KCNMA1: variants seen among roughly 807,000 people sequenced by gnomAD.
KCNMA1 encodes Calcium-activated potassium channel subunit alpha-1.
In KCNMA1, 29 loss-of-function variants were observed where a neutral mutation model predicts 140.0. The ratio of observed to expected loss-of-function variants is 0.21; its 90% CI spans 0.15 to 0.28. The LOEUF is 0.28. Ranked by LOEUF, KCNMA1 falls within the 10% of genes least tolerant of loss-of-function variation. The probability of loss-of-function intolerance (pLI) is 1.00; values close to 1 mark genes in which losing one functional copy is unlikely to be tolerated. For missense variants in KCNMA1, 880 were observed against 1,602.2 expected, an observed-to-expected ratio of 0.55 and a Z score of 7.70; for synonymous variants, 612 against 611.9, an observed-to-expected ratio of 1.00 and a Z score of 0.00.
At chr10:77,242,899 T>TACACACACACACACACAC (rs199668848) in intron 3 of KCNMA1, among the ~76,000 whole-genome samples, 3 of 111,578 alleles carry the variant, frequency 2.7e-5, no homozygotes, top group East Asian at 3.1e-4. Flanking sequence ...AATTGTTTCC[T>TACACACACACACACACAC]ACACACACAC....
chr10:76,956,781 T>C (rs1331378795), intron 20 of KCNMA1, among the ~76,000 whole-genome samples: 1 of 152,088 alleles, frequency 6.6e-6, no homozygotes, highest in African/African-American at 2.4e-5. Flanking sequence ...AGAAAAAAGC[T>C]GTTCATATCC....
chr10:76,990,489 TAGA>T (rs2082424138), intron 19 of KCNMA1, among the ~76,000 whole-genome samples: 1 of 152,324 alleles, frequency 6.6e-6, no homozygotes, highest in South Asian at 2.1e-4. Flanking sequence ...TTCATCTTAA[TAGA>T]AGATGTTTGT....
chr10:76,891,370 C>T (rs2039993697), intron 26 of KCNMA1, 155 bp downstream of exon 26: 1 of 690,696 alleles, frequency 1.4e-6, no homozygotes, highest in Non-Finnish European at 2.6e-6. Flanking sequence ...GTGTCTGATC[C>T]AGAGTAAACT....
At chr10:77,029,961 A>C (rs950937718) in intron 15 of KCNMA1, among the ~76,000 whole-genome samples, 3 of 152,214 alleles carry the variant, frequency 2.0e-5, no homozygotes, top group Non-Finnish European at 4.4e-5. Flanking sequence ...GGGGGATTTT[A>C]GTTGGTTTAA....
chr10:77,323,498 G>A (rs1247129191), intron 2 of KCNMA1, among the ~76,000 whole-genome samples: 1 of 152,160 alleles, frequency 6.6e-6, no homozygotes, highest in Non-Finnish European at 1.5e-5. Flanking sequence ...GAAGGAGCAG[G>A]ACTTAGCTTT....
intron 1 of KCNMA1, among the ~76,000 whole-genome samples, chr10:77,571,448 C>T (rs1055818853): frequency 1.1e-3 from 168 of 152,314 alleles, no homozygotes; most frequent in African/African-American, 3.9e-3. Flanking sequence ...GTCACCCAGG[C>T]AGTACAAATT....
intron 2 of KCNMA1, among the ~76,000 whole-genome samples, chr10:77,353,716 CAA>C (rs1358867346): frequency 6.6e-6 from 1 of 151,852 alleles, no homozygotes; most frequent in Non-Finnish European, 1.5e-5. Flanking sequence ...CAATTGAGGC[CAA>C]AGAGATAAAG....
intron 1 of KCNMA1, among the ~76,000 whole-genome samples, chr10:77,502,441 G>A (rs2044263262): frequency 6.6e-6 from 1 of 152,056 alleles, no homozygotes; most frequent in Non-Finnish European, 1.5e-5. Context: ...TCATGTTTCA[G>A]AGCCCTCTCC....
chr10:76,995,570 A>T, intron 19 of KCNMA1: 1 of 471,062 alleles, frequency 2.1e-6, no homozygotes, highest in Non-Finnish European at 4.4e-6. Flanking sequence ...TGGCCCTGGC[A>T]TCTGTCGCCT....
chr10:77,171,936 G>A (rs2098712128), intron 5 of KCNMA1, among the ~76,000 whole-genome samples: 1 of 152,108 alleles, frequency 6.6e-6, no homozygotes, highest in African/African-American at 2.4e-5. Context: ...GTTCTTTCTA[G>A]AGGACACTCC....
At position 76,900,355 on chromosome 10, in the gene KCNMA1, A is replaced by T. The variant is rs111522609; in HGVS notation, c.3148-8636T>A. On this transcript the variant is annotated intron_variant, in intron 25 of 27. Coordinates refer to ENST00000286628, the MANE Select transcript of KCNMA1 (RefSeq NM_001161352.2). ...CTCTGATTTGGGGACTTCCAGAGGG[A>T]AAAATAATGCATACCTGAACTGATA... Among the ~76,000 whole-genome samples, 1,409 of 152,184 alleles carry T rather than the reference A, an allele frequency of 9.3e-3. 25 individuals are homozygous for T. The highest frequency in any genetic ancestry group is 0.032 in the African/African-American group (1,330 of 41,546).
At chr10:77,207,755 C>T (rs2044622607) in intron 3 of KCNMA1, among the ~76,000 whole-genome samples, 1 of 152,174 alleles carries the variant, frequency 6.6e-6, no homozygotes, top group African/African-American at 2.4e-5. Flanking sequence ...TTTGTAGAAT[C>T]CCTCTCCTTG....
intron 2 of KCNMA1, among the ~76,000 whole-genome samples, chr10:77,359,496 G>A (rs1431575310): frequency 6.6e-6 from 1 of 152,120 alleles, no homozygotes; most frequent in Non-Finnish European, 1.5e-5. Flanking sequence ...AGTTCTCTGG[G>A]AATAATCAGA....
At chr10:77,433,740 G>A (rs1468399511) in intron 1 of KCNMA1, 1 of 152,146 alleles carries the variant, frequency 6.6e-6, no homozygotes, top group Non-Finnish European at 1.5e-5. Context: ...TGCTCAGCCA[G>A]AAGGCCATGT....
chr10:76,931,753 G>A (rs550199570), intron 23 of KCNMA1, among the ~76,000 whole-genome samples: 12 of 152,230 alleles, frequency 7.9e-5, no homozygotes, highest in South Asian at 4.1e-4. Context: ...GAGGGGAAGC[G>A]CCCCATGCTC....
chr10:77,456,545 C>T (rs1239764407), intron 1 of KCNMA1, among the ~76,000 whole-genome samples: 3 of 152,164 alleles, frequency 2.0e-5, no homozygotes, highest in Non-Finnish European at 4.4e-5. Flanking sequence ...GTGCCATATC[C>T]CCGGCAGTTA....
intron 2 of KCNMA1, among the ~76,000 whole-genome samples, chr10:77,386,629 C>T (rs1464774646): frequency 2.6e-5 from 4 of 152,180 alleles, no homozygotes; most frequent in African/African-American, 9.7e-5. Flanking sequence ...TTGACAAAAG[C>T]TGGAGTTTTC....
intron 1 of KCNMA1, among the ~76,000 whole-genome samples, chr10:77,478,391 T>C (rs2098322446): frequency 6.6e-6 from 1 of 152,178 alleles, no homozygotes; most frequent in African/African-American, 2.4e-5. Context: ...TCCAAGTCCA[T>C]CAACACATCA....
intron 12 of KCNMA1, among the ~76,000 whole-genome samples, chr10:77,083,551 C>T (rs2096628855): frequency 6.7e-6 from 1 of 148,928 alleles, no homozygotes; most frequent in African/African-American, 2.5e-5. Flanking sequence ...CAGGGCAGGG[C>T]CACAGCGGCA....
Sources: allele counts gnomAD v4.1 joint callset (sites outside exome capture counted in the v4.1 genomes callset), GRCh38; gene constraint gnomAD v4.1.1; transcripts MANE v1.5; gene names NCBI Gene and HGNC (gene_info 2026-07-23, HGNC 2026-07-21).